Variants in CSMD1 observed in about 807,000 individuals in gnomAD.
The protein encoded by CSMD1 is CUB and Sushi multiple domains 1.
In CSMD1, 213 loss-of-function variants were observed where a neutral mutation model predicts 417.5. The ratio of observed to expected loss-of-function variants is 0.51; its 90% CI spans 0.46 to 0.57. The LOEUF (loss-of-function observed/expected upper bound fraction) is 0.57, where lower values mean the gene tolerates loss of function less well. Among genes scored for constraint, CSMD1 ranks in the 20% least tolerant of loss-of-function variants. CSMD1 has a pLI of 0.00. For synonymous variants in CSMD1, 2,862 were observed against 1,736.8 expected (o/e 1.65, Z -16.11); for missense variants, 6,923 against 4,529.7 (o/e 1.53, Z -15.17).
chr8:4,002,437 T>C (rs980347530), intron 4 of CSMD1, among the ~76,000 whole-genome samples: 1 of 152,206 alleles, frequency 6.6e-6, no homozygotes, highest in Non-Finnish European at 1.5e-5. Flanking sequence ...GCAAAACATT[T>C]TTAAAAATAA....
intron 3 of CSMD1, among the ~76,000 whole-genome samples, chr8:4,186,635 T>C (rs1456977682): frequency 6.6e-6 from 1 of 152,164 alleles, no homozygotes; most frequent in African/African-American, 2.4e-5. Context: ...TAAGAGGCTA[T>C]TATTTTTAGA....
At chr8:3,029,228 T>A in intron 51 of CSMD1, 91 bp downstream of exon 51, 1 of 991,702 alleles carries the variant, frequency 1.0e-6, no homozygotes, top group Non-Finnish European at 1.4e-6. Flanking sequence ...TGGTAGATGA[T>A]AGCTCCACTA....
chr8:4,117,884 A>C (rs573798872), intron 3 of CSMD1, among the ~76,000 whole-genome samples: 1 of 152,186 alleles, frequency 6.6e-6, no homozygotes, highest in East Asian at 1.9e-4. Flanking sequence ...CCACAAAACA[A>C]AGTAGAGGAA....
chr8:3,079,245 T>C (rs1457314989), intron 49 of CSMD1, among the ~76,000 whole-genome samples: 12 of 152,212 alleles, frequency 7.9e-5, no homozygotes, highest in Admixed American at 7.9e-4. Context: ...ATATGGACTG[T>C]GTGGATTCAC....
chr8:4,459,818 C>T (rs1799700299), intron 2 of CSMD1, among the ~76,000 whole-genome samples: 1 of 152,164 alleles, frequency 6.6e-6, no homozygotes. Flanking sequence ...ATTTGTGGTA[C>T]TTTGTGTCAC....
intron 3 of CSMD1, among the ~76,000 whole-genome samples, chr8:4,144,936 C>T (rs1048473009): frequency 4.6e-5 from 7 of 150,894 alleles, no homozygotes; most frequent in African/African-American, 1.5e-4. Flanking sequence ...AGCAGAGACC[C>T]CAGAAATCAT....
intron 10 of CSMD1, among the ~76,000 whole-genome samples, chr8:3,573,754 A>G (rs917446910): frequency 1.3e-5 from 2 of 152,122 alleles, no homozygotes; most frequent in Non-Finnish European, 2.9e-5. Flanking sequence ...TCACTTAGAC[A>G]CAGAACTGTT....
chr8:3,232,208 T>C (rs942213827), intron 26 of CSMD1, among the ~76,000 whole-genome samples: 1 of 152,212 alleles, frequency 6.6e-6, no homozygotes, highest in Non-Finnish European at 1.5e-5. Flanking sequence ...TTCTTCACAG[T>C]GACTATAAAT....
chr8:3,298,283 G>C (rs1323568915), intron 25 of CSMD1, among the ~76,000 whole-genome samples: 1 of 152,142 alleles, frequency 6.6e-6, no homozygotes, highest in African/African-American at 2.4e-5. Context: ...ACATGTCAAA[G>C]CATATTAAAA....
At chr8:3,854,524 G>C (rs373412766) in intron 5 of CSMD1, among the ~76,000 whole-genome samples, 1 of 152,074 alleles carries the variant, frequency 6.6e-6, no homozygotes. Flanking sequence ...TGGCTTAACT[G>C]CACGGGTTAT....
rs1261280605 is a variant in CSMD1 at position 4,266,010 on chromosome 8, C to A, written c.415+153943G>T. Among the ~76,000 whole-genome samples, 2 of 103,774 alleles carry A rather than the reference C, an allele frequency of 1.9e-5. 1 individual carries two copies. The highest frequency in any genetic ancestry group is 5.2e-5 in the Non-Finnish European group (2 of 38,646). 68.1% of individuals were successfully genotyped at this position (103,774 alleles called of 152,430 possible). On this transcript the variant is annotated intron_variant, in intron 3 of 69. Transcript: ENST00000635120. ...GTGCGTTTGGGCTGTGTAAGTCATCCCAAACCGGCCCACCGCACTCAGGCT... is the reference window on the plus strand; with the variant it reads ...GTGCGTTTGGGCTGTGTAAGTCATCACAAACCGGCCCACCGCACTCAGGCT...
intron 3 of CSMD1, among the ~76,000 whole-genome samples, chr8:4,327,585 T>G (rs1169065944): frequency 1.3e-5 from 2 of 152,122 alleles, no homozygotes; most frequent in Non-Finnish European, 2.9e-5. Context: ...TCACTCATAC[T>G]ACAAAGATGT....
At chr8:4,135,570 A>T (rs1326506849) in intron 3 of CSMD1, among the ~76,000 whole-genome samples, 1 of 152,152 alleles carries the variant, frequency 6.6e-6, no homozygotes, top group African/African-American at 2.4e-5. Flanking sequence ...AATAAGAAGA[A>T]ATGAGTTTTG....
intron 1 of CSMD1, among the ~76,000 whole-genome samples, chr8:4,657,666 C>G (rs78200477): frequency 0.033 from 4,889 of 146,004 alleles, 120 homozygotes; most frequent in East Asian, 0.12. Flanking sequence ...GGCCAGTTCT[C>G]AAAAAATCAT....
intron 23 of CSMD1, 136 bp downstream of exon 23, chr8:3,343,158 G>A (rs951343257): frequency 4.5e-6 from 3 of 663,520 alleles, no homozygotes; most frequent in African/African-American, 1.8e-5. Flanking sequence ...AGTCAACAGA[G>A]TACAGAATTA....
chr8:4,251,664 G>A (rs553351573), intron 3 of CSMD1, among the ~76,000 whole-genome samples: 7 of 152,246 alleles, frequency 4.6e-5, no homozygotes, highest in Non-Finnish European at 5.9e-5. Context: ...TCATTTAATA[G>A]TCTGGGATTG....
intron 1 of CSMD1, among the ~76,000 whole-genome samples, chr8:4,701,330 T>TTA (rs1807531099): frequency 1.3e-5 from 2 of 151,358 alleles, no homozygotes; most frequent in Non-Finnish European, 2.9e-5. Context: ...TTTTTTTTTT[T>TTA]AACTCTGCTT....
intron 1 of CSMD1, among the ~76,000 whole-genome samples, chr8:4,940,635 C>T (rs1006053256): frequency 2.0e-5 from 3 of 152,170 alleles, no homozygotes; most frequent in Non-Finnish European, 4.4e-5. Flanking sequence ...CTCACTTAGG[C>T]ATTAGAGGTT....
chr8:2,990,411 C>A (rs1234362132), intron 54 of CSMD1, among the ~76,000 whole-genome samples: 1 of 152,204 alleles, frequency 6.6e-6, no homozygotes, highest in Admixed American at 6.5e-5. Context: ...GACAAGATTT[C>A]ATTCAGCTCC....
Sources: allele counts gnomAD v4.1 joint callset (sites outside exome capture counted in the v4.1 genomes callset), GRCh38; gene constraint gnomAD v4.1.1; transcripts MANE v1.5; gene names NCBI Gene and HGNC (gene_info 2026-07-23, HGNC 2026-07-21).